The following KRT80 variants were observed in gnomAD, a reference collection of about 807,000 sequenced individuals.
KRT80 encodes the protein keratin, type II cytoskeletal 80.
A neutral mutation model predicts 51.5 loss-of-function variants in KRT80; 36 were observed. That is an observed-to-expected ratio of 0.70 (90% CI 0.54 to 0.92). The LOEUF is 0.92. Among genes scored for constraint, KRT80 ranks in the 40% least tolerant of loss-of-function variants. The probability of loss-of-function intolerance (pLI) is 0.00; values close to 1 mark genes in which losing one functional copy is unlikely to be tolerated. For synonymous variants in KRT80, 235 were observed against 248.3 expected (o/e 0.95, Z 0.50); for missense variants, 566 against 591.7 (o/e 0.96, Z 0.45).
intron 4 of KRT80, among the ~76,000 whole-genome samples, chr12:52,177,118 C>T (rs1424166676): frequency 6.6e-6 from 1 of 152,148 alleles, no homozygotes; most frequent in Non-Finnish European, 1.5e-5. Context: ...AATCATTATC[C>T]CTACTTCATA....
intron 2 of KRT80, among the ~76,000 whole-genome samples, chr12:52,182,977 C>T (rs1054439248): frequency 1.3e-5 from 2 of 152,214 alleles, no homozygotes; most frequent in African/African-American, 4.8e-5. Context: ...CCCTTCCTCA[C>T]GGGCTGTTTG....
In KRT80 at chr12:52,169,566, GCAAGAAGGGGACATGGCCC is replaced by G. The variant is rs1941049475; in HGVS notation, c.*1813_*1831del. 2 of 152,662 alleles carry G rather than the reference GCAAGAAGGGGACATGGCCC, an allele frequency of 1.3e-5. No homozygotes were observed. Among genetic ancestry groups the G allele is most frequent in the Admixed American group, 1.3e-4 (2 of 15,292 alleles). 9.5% of individuals were successfully genotyped at this position (152,662 alleles called of 1,614,324 possible). A position where few individuals can be genotyped will look rare whatever the true frequency, so the allele number is the denominator to read the frequency against. On this transcript the variant is annotated 3_prime_UTR_variant, in exon 9 of 9. Transcript: ENST00000394815. ...TCAACACTTTATTCATCCTGTGGCA[GCAAGAAGGGGACATGGCCC>G]CAAGATAGCCAATCAGGTGAGGTGG...
chr12:52,183,999 G>C (rs1177569187), intron 2 of KRT80, among the ~76,000 whole-genome samples: 1 of 145,438 alleles, frequency 6.9e-6, no homozygotes, highest in Non-Finnish European at 1.5e-5. Context: ...CTAGGAAGCT[G>C]GGTCTCTCCG....
chr12:52,183,708 T>G (rs765113502), intron 2 of KRT80, among the ~76,000 whole-genome samples: 3 of 152,208 alleles, frequency 2.0e-5, no homozygotes, highest in Non-Finnish European at 4.4e-5. Flanking sequence ...GAACTTCCAG[T>G]TACAAAGTGC....
chr12:52,186,661 G>T (rs1406322646), intron 1 of KRT80, among the ~76,000 whole-genome samples: 1 of 152,188 alleles, frequency 6.6e-6, no homozygotes, highest in Admixed American at 6.5e-5. Context: ...TGTGTTGCTG[G>T]TCACTGTGGG....
At position 52,173,097 on chromosome 12, in the gene KRT80, C is replaced by A. The variant is rs756362878; in HGVS notation, c.898G>T (p.Ala300Ser). ...TTCTGGATGCGCACATTGAGATCCG[C>A]GATCTCGCTGCGGCTGCTCTGGAGG... ...SSLQSSRSEI[A>S]DLNVRIQKLR... Residue 300 changes from alanine to serine, a missense_variant, in exon 6 of 9, where the codon GCG becomes TCG. Transcript: ENST00000394815. 5.0e-6 allele frequency: 8 copies of A among 1,613,524 alleles called. No homozygotes were observed. The East Asian group carries it at 1.8e-4, about 36-fold the overall frequency.
At chr12:52,187,290 G>A (rs1422202373) in intron 1 of KRT80, among the ~76,000 whole-genome samples, 2 of 152,224 alleles carry the variant, frequency 1.3e-5, no homozygotes, top group African/African-American at 4.8e-5. Context: ...CAGAATCGTA[G>A]CCTGCGAGAG....
intron 2 of KRT80, 86 bp downstream of exon 2, chr12:52,185,291 CTT>C (rs1418469268): frequency 7.8e-7 from 1 of 1,288,612 alleles, no homozygotes; most frequent in African/African-American, 1.5e-5. Context: ...CATCTTTCCT[CTT>C]TCTCTGGCTT....
chr12:52,177,659 G>C (rs1238887645), intron 4 of KRT80, among the ~76,000 whole-genome samples: 1 of 150,852 alleles, frequency 6.6e-6, no homozygotes, highest in Non-Finnish European at 1.5e-5. Flanking sequence ...GTGTGTGTGT[G>C]TGTGTGCATG....
rs1430950512 is a variant in KRT80 at position 52,171,645 on chromosome 12, C to A, written c.1234+13G>T. 4.6e-6 allele frequency: 7 copies of A among 1,531,220 alleles called. No homozygotes were observed. In the African/African-American group the frequency reaches 7.2e-5, roughly 16 times the overall value. 94.9% of individuals were successfully genotyped at this position (1,531,220 alleles called of 1,614,324 possible). ...CTCACCCCACCATGGGTTCTCGGGG[C>A]AAGAGGACTCACCGGTTTTGCACCT... is the stretch of plus-strand genomic sequence containing the variant. On this transcript the variant is annotated intron_variant, in intron 8 of 8. Transcript: ENST00000394815.
At chr12:52,184,028 CTG>C (rs71954535) in intron 2 of KRT80, among the ~76,000 whole-genome samples, 114,904 of 152,008 alleles carry the variant, frequency 0.76, 44,099 homozygotes, top group South Asian at 0.84. Context: ...GTCAGATGCC[CTG>C]TGTGTGTTTC....
At position 52,172,366 on chromosome 12, in the gene KRT80, G is replaced by T. The variant is rs1404556270; in HGVS notation, c.1010C>A (p.Ala337Asp). The change falls in exon 7 of 9, where the codon GCC becomes GAC. Residue 337 changes from alanine to aspartate, a missense_variant. Transcript: ENST00000394815. ...CAGCTTGGTCTTGGCATCCTGGAAGGCCAGCTCACCCTGCTCCTCAGCTGT... is the reference window on the plus strand; with the variant it reads ...CAGCTTGGTCTTGGCATCCTGGAAGTCCAGCTCACCCTGCTCCTCAGCTGT... ...IKTAEEQGEL[A>D]FQDAKTKLAQ... The T allele has an allele frequency of 4.3e-6, 7 of 1,614,026 alleles. No individual in the cohort carries two copies. Among genetic ancestry groups the T allele is most frequent in the Non-Finnish European group, 5.1e-6 (6 of 1,180,002 alleles).
rs528011052 is a variant in KRT80 at position 52,176,809 on chromosome 12, G to A, written c.667-3045C>T. On this transcript the variant is annotated intron_variant, in intron 4 of 8. Transcript: ENST00000394815. ...CACTTCTTATTAGTTGAGTAACCCT[G>A]GTCAAGTTTTTAAATGTGTCTAAGC... Among the ~76,000 whole-genome samples the A allele has an allele frequency of 2.0e-5, 3 of 152,248 alleles. No homozygotes were observed. In the South Asian group the frequency reaches 6.2e-4, roughly 32 times the overall value.
At chr12:52,178,193 G>A (rs1941263426) in intron 4 of KRT80, among the ~76,000 whole-genome samples, 1 of 152,122 alleles carries the variant, frequency 6.6e-6, no homozygotes, top group South Asian at 2.1e-4. Flanking sequence ...GGCCCCTACT[G>A]CCTCCATCGC....
At chr12:52,187,332 G>A (rs1308016265) in intron 1 of KRT80, among the ~76,000 whole-genome samples, 2 of 152,338 alleles carry the variant, frequency 1.3e-5, no homozygotes, top group Non-Finnish European at 2.9e-5. Context: ...AGCTGAGCTG[G>A]GCCCTTCATT....
At chr12:52,190,978 G>A (rs567272047) in intron 1 of KRT80, among the ~76,000 whole-genome samples, 14 of 152,206 alleles carry the variant, frequency 9.2e-5, no homozygotes, top group Non-Finnish European at 1.9e-4. Flanking sequence ...CAGGAGGGGC[G>A]CAGGGTGCAG....
intron 1 of KRT80, among the ~76,000 whole-genome samples, chr12:52,187,882 C>T (rs908602682): frequency 6.6e-6 from 1 of 152,174 alleles, no homozygotes; most frequent in Non-Finnish European, 1.5e-5. Context: ...TTCCTCCACC[C>T]ATGAGCAGCA....
At chr12:52,184,073 C>T (rs939174495) in intron 2 of KRT80, among the ~76,000 whole-genome samples, 9 of 152,180 alleles carry the variant, frequency 5.9e-5, no homozygotes, top group Non-Finnish European at 8.8e-5. Context: ...TGGGGAGAGG[C>T]GATGGGTAAA....
At chr12:52,189,811 A>G (rs543435054) in intron 1 of KRT80, among the ~76,000 whole-genome samples, 1 of 152,344 alleles carries the variant, frequency 6.6e-6, no homozygotes, top group African/African-American at 2.4e-5. Flanking sequence ...AAAGAACTTC[A>G]AGGGCATTGC....
Sources: allele counts gnomAD v4.1 joint callset (sites outside exome capture counted in the v4.1 genomes callset), GRCh38; gene constraint gnomAD v4.1.1; transcripts MANE v1.5; gene names NCBI Gene and HGNC (gene_info 2026-07-23, HGNC 2026-07-21).